MIR2052HG: variants seen among roughly 807,000 people sequenced by gnomAD.
MIR2052HG encodes the protein MIR2052 host gene.
Position 74,601,526 on chromosome 8 carries a change from C to G in MIR2052HG, n.128+1618C>G, listed in dbSNP as rs79979742. ...GTCTTCAATAGGAGTAAATCTCTCT[C>G]AGTTCCATTTGCCCAAGGATCTTCT... On this transcript the variant is annotated intron_variant and non_coding_transcript_variant, in intron 1 of 6. Transcript: ENST00000523442. Among the ~76,000 whole-genome samples, 10 of 152,320 alleles carry G rather than the reference C, an allele frequency of 6.6e-5. No homozygotes were observed. The East Asian group carries it at 1.9e-3, about 29-fold the overall frequency.
intron 1 of MIR2052HG, among the ~76,000 whole-genome samples, chr8:74,602,516 C>CT (rs746190655): frequency 0.021 from 3,028 of 147,014 alleles, 46 homozygotes; most frequent in Non-Finnish European, 0.023. Context: ...TCTTTTCTTT[C>CT]TTTCTTTTTT....
At chr8:74,666,935 C>A (rs919647063) in intron 2 of MIR2052HG, among the ~76,000 whole-genome samples, 1 of 152,160 alleles carries the variant, frequency 6.6e-6, no homozygotes, top group Non-Finnish European at 1.5e-5. Flanking sequence ...TCTGGAGGAC[C>A]TCCACCTGCA....
At chr8:74,600,536 C>A (rs1807981585) in intron 1 of MIR2052HG, among the ~76,000 whole-genome samples, 1 of 149,984 alleles carries the variant, frequency 6.7e-6, no homozygotes, top group Non-Finnish European at 1.5e-5. Flanking sequence ...GAGCTGCATT[C>A]CAGCCTGGGC....
At position 74,604,152 on chromosome 8, in the gene MIR2052HG, C is replaced by T. The variant is rs1300733880; in HGVS notation, n.128+4244C>T. ...GCATCTTCTTAACTGATTCTCCTTT[C>T]TTTCCGATGATACTGCCAACTTCCT... On this transcript the variant is annotated intron_variant and non_coding_transcript_variant, in intron 1 of 6. Coordinates refer to ENST00000523442, the Ensembl canonical transcript of MIR2052HG. 20 of 892,040 alleles carry T rather than the reference C, an allele frequency of 2.2e-5. 1 individual carries two copies. Among genetic ancestry groups the T allele is most frequent in the South Asian group, 2.0e-4 (15 of 76,672 alleles). The allele number at this position is 892,040 out of a possible 1,614,324, so 55.3% of individuals were successfully genotyped here.
intron 2 of MIR2052HG, among the ~76,000 whole-genome samples, chr8:74,651,517 T>C (rs909996280): frequency 1.3e-5 from 2 of 152,170 alleles, no homozygotes; most frequent in African/African-American, 4.8e-5. Flanking sequence ...ATCTTAAAAC[T>C]ATGGAAAATG....
intron 4 of MIR2052HG, among the ~76,000 whole-genome samples, chr8:74,732,647 G>A (rs990102771): frequency 4.6e-5 from 7 of 152,158 alleles, no homozygotes; most frequent in Admixed American, 4.6e-4. Context: ...AGGTAGCTTG[G>A]AAGAATGCTG....
At chr8:74,632,328 C>T (rs1208238239) in intron 2 of MIR2052HG, 2 of 152,142 alleles carry the variant, frequency 1.3e-5, no homozygotes, top group Non-Finnish European at 2.9e-5. Context: ...GTGCCACCAG[C>T]AGGATGTGTG....
At chr8:74,680,252 G>A (rs1175656319) in intron 2 of MIR2052HG, among the ~76,000 whole-genome samples, 1 of 152,072 alleles carries the variant, frequency 6.6e-6, no homozygotes, top group Non-Finnish European at 1.5e-5. Flanking sequence ...CTTTTGTGGA[G>A]ACAGTTATAA....
intron 4 of MIR2052HG, among the ~76,000 whole-genome samples, chr8:74,732,315 T>C (rs1809700818): frequency 6.6e-6 from 1 of 152,190 alleles, no homozygotes; most frequent in Admixed American, 6.5e-5. Context: ...AGAAAGAATT[T>C]GAACATCCAT....
chr8:74,622,658 C>A (rs763349313), intron 2 of MIR2052HG, among the ~76,000 whole-genome samples: 2 of 151,666 alleles, frequency 1.3e-5, no homozygotes, highest in Non-Finnish European at 2.9e-5. Flanking sequence ...AAAAAATGCT[C>A]AACATCACTA....
chr8:74,749,546 T>C (rs1402614208), intron 4 of MIR2052HG, among the ~76,000 whole-genome samples: 1 of 152,104 alleles, frequency 6.6e-6, no homozygotes, highest in Non-Finnish European at 1.5e-5. Context: ...ATAAAGTGAA[T>C]GTGACATTAA....
chr8:74,655,614 G>C (rs1808798430), intron 2 of MIR2052HG, among the ~76,000 whole-genome samples: 1 of 152,208 alleles, frequency 6.6e-6, no homozygotes, highest in Non-Finnish European at 1.5e-5. Context: ...CTAGATTTCA[G>C]AAGATGTATG....
At position 74,739,797 on chromosome 8, in the gene MIR2052HG, CA is replaced by C. The variant is rs574041640; in HGVS notation, n.372-12637del. Among the ~76,000 whole-genome samples the C allele has an allele frequency of 2.3e-3, 349 of 151,768 alleles. 1 individual carries two copies. Among genetic ancestry groups the C allele is most frequent in the African/African-American group, 7.7e-3 (320 of 41,368 alleles). On this transcript the variant is annotated intron_variant and non_coding_transcript_variant, in intron 4 of 6. Transcript: ENST00000523442. The stretch of plus-strand genomic sequence containing the variant: ...CATCATAAATATTTTTTTAAAAATC[CA>C]AAAAAACTCTGTGTGTGCATGTTTT...
rs553707266 is a variant in MIR2052HG at position 74,654,453 on chromosome 8, G to A, written n.216+41513G>A. Among the ~76,000 whole-genome samples, 252 of 152,242 alleles carry A rather than the reference G, an allele frequency of 1.7e-3. 1 individual carries two copies. Among genetic ancestry groups the A allele is most frequent in the Non-Finnish European group, 2.6e-3 (176 of 68,002 alleles). ...GAATTATATCTCCCGGAACTCCCCC[G>A]TGTTGTGGGAGGGACCTAGGATGAG... On this transcript the variant is annotated intron_variant and non_coding_transcript_variant, in intron 2 of 6. Transcript: ENST00000523442.
chr8:74,735,547 C>G (rs946763410), intron 4 of MIR2052HG, among the ~76,000 whole-genome samples: 1 of 152,186 alleles, frequency 6.6e-6, no homozygotes, highest in Non-Finnish European at 1.5e-5. Flanking sequence ...ACCATATTCT[C>G]TCATACCCTG....
At chr8:74,625,457 T>C (rs1366440030) in intron 2 of MIR2052HG, 1 of 152,190 alleles carries the variant, frequency 6.6e-6, no homozygotes, top group Non-Finnish European at 1.5e-5. Flanking sequence ...TTATATAGTA[T>C]TTGGTGACAT....
chr8:74,697,714 A>G (rs1809313025), intron 2 of MIR2052HG, among the ~76,000 whole-genome samples: 1 of 152,014 alleles, frequency 6.6e-6, no homozygotes, highest in Non-Finnish European at 1.5e-5. Context: ...CAAGAACACA[A>G]CCTCTTTAAC....
intron 2 of MIR2052HG, among the ~76,000 whole-genome samples, chr8:74,675,548 C>A (rs1017984453): frequency 6.6e-6 from 1 of 151,924 alleles, no homozygotes; most frequent in Non-Finnish European, 1.5e-5. Context: ...ATACCACAGG[C>A]ACTGTGCAGA....
intron 2 of MIR2052HG, among the ~76,000 whole-genome samples, chr8:74,622,666 C>T (rs115860148): frequency 6.6e-6 from 1 of 151,816 alleles, no homozygotes; most frequent in Admixed American, 6.6e-5. Context: ...CTCAACATCA[C>T]TAATCATCAG....
Sources: allele counts gnomAD v4.1 joint callset (sites outside exome capture counted in the v4.1 genomes callset), GRCh38; gene constraint gnomAD v4.1.1; transcripts MANE v1.5; gene names NCBI Gene and HGNC (gene_info 2026-07-23, HGNC 2026-07-21).